RCAN2: variants seen among roughly 807,000 people sequenced by gnomAD.
RCAN2 encodes calcipressin-2.
Under a neutral mutation model 23.6 loss-of-function variants are expected in RCAN2, and 9 were observed. That is an observed-to-expected ratio of 0.38 (90% confidence interval 0.23 to 0.67). The LOEUF is 0.67. Ranked by LOEUF, RCAN2 falls within the 30% of genes least tolerant of loss-of-function variation. The pLI, the probability that RCAN2 is intolerant of heterozygous loss-of-function variation, is 0.51. For missense variants in RCAN2, 273 were observed against 302.3 expected, an observed-to-expected ratio of 0.90 and a Z score of 0.72; for synonymous variants, 109 against 115.7, an observed-to-expected ratio of 0.94 and a Z score of 0.37.
chr6:46,289,842 AT>A (rs1351857653), intron 2 of RCAN2, among the ~76,000 whole-genome samples: 1 of 152,114 alleles, frequency 6.6e-6, no homozygotes, highest in Non-Finnish European at 1.5e-5. Context: ...TAGAGACTAC[AT>A]TTTCCAGCCT....
At chr6:46,250,091 C>G (rs550750310) in intron 2 of RCAN2, among the ~76,000 whole-genome samples, 2 of 152,258 alleles carry the variant, frequency 1.3e-5, no homozygotes, top group African/African-American at 4.8e-5. Context: ...TGGTCTCTCT[C>G]AAGACTTTAA....
chr6:46,475,843 C>A (rs1768699032), intron 1 of RCAN2, among the ~76,000 whole-genome samples: 1 of 152,206 alleles, frequency 6.6e-6, no homozygotes, highest in Admixed American at 6.5e-5. Flanking sequence ...ATTGAACAAC[C>A]ATGATCCCTG....
intron 2 of RCAN2, among the ~76,000 whole-genome samples, chr6:46,373,310 G>A (rs1462072711): frequency 3.9e-5 from 6 of 152,058 alleles, no homozygotes; most frequent in African/African-American, 1.2e-4. Context: ...TGTTGCCCAG[G>A]CTGGTGTGCA....
intron 2 of RCAN2, among the ~76,000 whole-genome samples, chr6:46,390,319 A>G (rs1765894294): frequency 6.6e-6 from 1 of 152,216 alleles, no homozygotes; most frequent in Non-Finnish European, 1.5e-5. Flanking sequence ...AATTGTTAAT[A>G]GTCTACACAT....
intron 2 of RCAN2, among the ~76,000 whole-genome samples, chr6:46,449,013 A>G (rs1767797144): frequency 6.6e-6 from 1 of 151,978 alleles, no homozygotes; most frequent in South Asian, 2.1e-4. Flanking sequence ...AAAGGAATCC[A>G]AACTGGAAAG....
chr6:46,300,680 GAAT>G (rs1044825554), intron 2 of RCAN2, among the ~76,000 whole-genome samples: 5 of 151,894 alleles, frequency 3.3e-5, no homozygotes, highest in Non-Finnish European at 1.5e-5. Context: ...AGAGAAAATA[GAAT>G]AATAAGTGAG....
chr6:46,477,645 A>C (rs768931469), intron 1 of RCAN2, among the ~76,000 whole-genome samples: 10 of 152,230 alleles, frequency 6.6e-5, no homozygotes, highest in Non-Finnish European at 1.5e-4. Flanking sequence ...TACTGAAAAG[A>C]GATTTGCCAG....
chr6:46,388,286 T>G (rs898671561), intron 2 of RCAN2, among the ~76,000 whole-genome samples: 1 of 151,448 alleles, frequency 6.6e-6, no homozygotes, highest in African/African-American at 2.4e-5. Context: ...TAAATAAATT[T>G]TAAAAAAAAG....
chr6:46,461,306 C>T (rs1238738402), intron 1 of RCAN2, among the ~76,000 whole-genome samples: 1 of 152,128 alleles, frequency 6.6e-6, no homozygotes, highest in Non-Finnish European at 1.5e-5. Flanking sequence ...TTTTAATAGC[C>T]ACATTGTATC....
chr6:46,299,071 T>C (rs1762823745), intron 2 of RCAN2, among the ~76,000 whole-genome samples: 1 of 151,808 alleles, frequency 6.6e-6, no homozygotes. Flanking sequence ...AGGGACATAA[T>C]GATGGGAACA....
chr6:46,441,406 G>T (rs1030275516), intron 2 of RCAN2, among the ~76,000 whole-genome samples: 1 of 152,144 alleles, frequency 6.6e-6, no homozygotes, highest in Admixed American at 6.5e-5. Flanking sequence ...AGAATGAGGA[G>T]GTTGCTCTTC....
chr6:46,437,244 C>T (rs1316662100), intron 2 of RCAN2, among the ~76,000 whole-genome samples: 3 of 152,182 alleles, frequency 2.0e-5, no homozygotes, highest in Non-Finnish European at 4.4e-5. Context: ...CTTTTTAATG[C>T]CCTGCCATCA....
chr6:46,466,725 C>A (rs554535398), intron 1 of RCAN2, among the ~76,000 whole-genome samples: 113 of 152,264 alleles, frequency 7.4e-4, no homozygotes, highest in South Asian at 2.3e-3. Context: ...GACAGACTTC[C>A]TATCTAGACT....
intron 2 of RCAN2, among the ~76,000 whole-genome samples, chr6:46,311,981 G>A (rs1369537240): frequency 6.6e-6 from 1 of 152,146 alleles, no homozygotes; most frequent in African/African-American, 2.4e-5. Flanking sequence ...TTTCTGTCCA[G>A]TTGAATCTGA....
chr6:46,456,787 C>T lies in RCAN2; in HGVS notation c.190G>A (p.Val64Ile), dbSNP rs1444861411. ...TCTCCTTCAAACACTGACTGGTGAA[C>T]ATTGCACGCAAACAACGAGTTGGGG... ...DLPNSLFACNVHQSVFEGEES... is the reference protein window; with the variant it reads ...DLPNSLFACNIHQSVFEGEES... Residue 64 changes from valine (V) to isoleucine (I), a missense_variant, in exon 2 of 5, where the codon GTT (valine) becomes ATT (isoleucine). Coordinates refer to ENST00000371374, the MANE Select transcript of RCAN2 (RefSeq NM_001251974.2). 2.6e-6 allele frequency: 4 copies of T among 1,550,912 alleles called. No individual in the cohort carries two copies. Among genetic ancestry groups the T allele is most frequent in the Middle Eastern group, 3.3e-4 (2 of 5,994 alleles).
At chr6:46,347,230 A>G (rs951158862) in intron 2 of RCAN2, among the ~76,000 whole-genome samples, 1 of 152,216 alleles carries the variant, frequency 6.6e-6, no homozygotes, top group African/African-American at 2.4e-5. Context: ...AGTTTATACA[A>G]TGATATTTCT....
intron 2 of RCAN2, among the ~76,000 whole-genome samples, chr6:46,442,700 C>T (rs1767586717): frequency 1.3e-5 from 2 of 152,132 alleles, no homozygotes; most frequent in African/African-American, 4.8e-5. Context: ...TATATGTTTA[C>T]CCACTTTTTG....
chr6:46,299,970 A>G (rs1762852448), intron 2 of RCAN2, among the ~76,000 whole-genome samples: 1 of 151,898 alleles, frequency 6.6e-6, no homozygotes, highest in Non-Finnish European at 1.5e-5. Flanking sequence ...CATTTTTATG[A>G]TATACACGAA....
intron 2 of RCAN2, among the ~76,000 whole-genome samples, chr6:46,351,286 T>C (rs1411374695): frequency 6.6e-6 from 1 of 152,222 alleles, no homozygotes; most frequent in African/African-American, 2.4e-5. Context: ...CAACCAAGGC[T>C]TCCTGTTCCC....
Sources: gnomAD v4.1 joint callset for allele counts (sites outside exome capture counted in the v4.1 genomes callset) on GRCh38, gnomAD v4.1.1 for gene constraint, MANE v1.5 for transcripts, NCBI Gene and HGNC (gene_info 2026-07-23, HGNC 2026-07-21) for gene names.